HSPA12A: variants seen among roughly 807,000 people sequenced by gnomAD.
HSPA12A encodes the protein heat shock protein family A (Hsp70) member 12A.
In HSPA12A, 28 loss-of-function variants were observed where a neutral mutation model predicts 69.2. That is an observed-to-expected ratio of 0.40 (90% CI 0.30 to 0.55). The LOEUF (loss-of-function observed/expected upper bound fraction) is 0.55, where lower values mean the gene tolerates loss of function less well. Among genes scored for constraint, HSPA12A ranks in the 20% least tolerant of loss-of-function variants. The pLI is 0.38. For missense variants in HSPA12A, 686 were observed against 900.7 expected (o/e 0.76, Z 3.05); for synonymous variants, 345 against 370.5 (o/e 0.93, Z 0.79).
At chr10:116,843,171 T>C (rs1200349772) in intron 1 of HSPA12A, among the ~76,000 whole-genome samples, 2 of 152,222 alleles carry the variant, frequency 1.3e-5, no homozygotes, top group Non-Finnish European at 1.5e-5. Context: ...TCCAGCTTTC[T>C]ATTTATGTGG....
chr10:116,744,032 CCCTT>C (rs1851589957), upstream of HSPA12A, among the ~76,000 whole-genome samples: 2 of 152,186 alleles, frequency 1.3e-5, no homozygotes, highest in Admixed American at 6.5e-5. Flanking sequence ...CCCCCGAGGG[CCCTT>C]CCTGCCTACG....
chr10:116,777,492 A>G (rs1376674023), intron 2 of HSPA12A, among the ~76,000 whole-genome samples: 2 of 152,144 alleles, frequency 1.3e-5, no homozygotes, highest in Admixed American at 6.5e-5. Flanking sequence ...CCCAGTTCCC[A>G]AGAGCCTGCC....
At chr10:116,850,432 T>C (rs1182800097), upstream of HSPA12A, among the ~76,000 whole-genome samples, 2 of 152,094 alleles carry the variant, frequency 1.3e-5, no homozygotes, top group Non-Finnish European at 1.5e-5. Context: ...TGCCCAGCCC[T>C]GAGATCTGGC....
intron 1 of HSPA12A, among the ~76,000 whole-genome samples, chr10:116,838,827 G>A (rs1204594059): frequency 2.0e-5 from 3 of 152,232 alleles, no homozygotes; most frequent in African/African-American, 7.2e-5. Context: ...ACAGAGAGAT[G>A]AGAATTCTAA....
intron 8 of HSPA12A, 100 bp downstream of exon 8, chr10:116,681,691 T>C (rs1294098713): frequency 1.3e-5 from 13 of 1,028,434 alleles, no homozygotes; most frequent in African/African-American, 3.2e-5. Flanking sequence ...CCCACTGAGT[T>C]TGAACATTTT....
chr10:116,801,514 G>T (rs1844953752), intron 2 of HSPA12A, among the ~76,000 whole-genome samples: 1 of 152,108 alleles, frequency 6.6e-6, no homozygotes, highest in Non-Finnish European at 1.5e-5. Flanking sequence ...GGAGTTCCTA[G>T]CATCTGGTCA....
chr10:116,754,059 C>G (rs1843769095), intron 2 of HSPA12A, among the ~76,000 whole-genome samples: 1 of 152,212 alleles, frequency 6.6e-6, no homozygotes. Flanking sequence ...CCTTCCTCTC[C>G]CCACCCTGGC....
chr10:116,726,012 G>GACACACACACACAC (rs1277422010), intron 1 of HSPA12A, among the ~76,000 whole-genome samples: 3 of 70,512 alleles, frequency 4.3e-5, no homozygotes, highest in African/African-American at 1.5e-4. Flanking sequence ...ACAAGGTTTA[G>GACACACACACACAC]ACACACACAC....
intron 1 of HSPA12A, chr10:116,849,454 G>T: frequency 2.2e-6 from 3 of 1,391,606 alleles, no homozygotes; most frequent in Non-Finnish European, 1.9e-6. Flanking sequence ...AAGAACCTAG[G>T]CCTGGAAGCC....
intron 5 of HSPA12A, among the ~76,000 whole-genome samples, chr10:116,694,699 C>T (rs567795912): frequency 1.2e-4 from 18 of 152,320 alleles, no homozygotes; most frequent in Admixed American, 1.2e-3. Flanking sequence ...GCACTCTCTG[C>T]TCCTTCACCT....
chr10:116,703,220 G>A (rs186003150), intron 3 of HSPA12A, among the ~76,000 whole-genome samples: 1 of 152,294 alleles, frequency 6.6e-6, no homozygotes, highest in Non-Finnish European at 1.5e-5. Context: ...CTGATGACAT[G>A]ACACCCAGGA....
At chr10:116,706,851 C>T (rs782652821) in intron 2 of HSPA12A, among the ~76,000 whole-genome samples, 3 of 152,160 alleles carry the variant, frequency 2.0e-5, no homozygotes, top group Non-Finnish European at 2.9e-5. Flanking sequence ...CCAGAGTCAG[C>T]GGCTTCCTCT....
rs181327205 is a variant in HSPA12A at position 116,691,969 on chromosome 10, G to C, written c.663+382C>G. On this transcript the variant is annotated intron_variant, in intron 6 of 11. Transcript: ENST00000369209. Reference sequence around the variant, plus strand: ...ATGGCCTTGGCTTGCTTGCTTTCTTGTTCAAATATTCCTGTTTCCCAAGCC... The same window carrying C: ...ATGGCCTTGGCTTGCTTGCTTTCTTCTTCAAATATTCCTGTTTCCCAAGCC... Among the ~76,000 whole-genome samples the C allele has an allele frequency of 5.6e-4, 85 of 152,304 alleles. 1 individual carries two copies. Among genetic ancestry groups the C allele is most frequent in the African/African-American group, 2.0e-3 (84 of 41,562 alleles).
chr10:116,816,834 C>T (rs986701969), intron 2 of HSPA12A, among the ~76,000 whole-genome samples: 5 of 152,112 alleles, frequency 3.3e-5, no homozygotes, highest in African/African-American at 1.2e-4. Flanking sequence ...CTCTGGGTTA[C>T]AAAACGCTTC....
intron 2 of HSPA12A, among the ~76,000 whole-genome samples, chr10:116,816,365 C>A (rs1389755233): frequency 1.3e-5 from 2 of 152,244 alleles, no homozygotes; most frequent in East Asian, 3.8e-4. Flanking sequence ...TCTCTGGCAC[C>A]CCGCATACGG....
chr10:116,807,350 G>A (rs1845089308), intron 2 of HSPA12A, among the ~76,000 whole-genome samples: 1 of 152,012 alleles, frequency 6.6e-6, no homozygotes, highest in African/African-American at 2.4e-5. Context: ...CTCTGTTTCT[G>A]GGTCCCTGGA....
At chr10:116,762,280 G>A (rs1238924778) in intron 2 of HSPA12A, among the ~76,000 whole-genome samples, 1 of 152,244 alleles carries the variant, frequency 6.6e-6, no homozygotes, top group Non-Finnish European at 1.5e-5. Context: ...CTGGATGACT[G>A]TCAGTTCATC....
intron 6 of HSPA12A, among the ~76,000 whole-genome samples, chr10:116,689,077 T>A (rs1297633123): frequency 6.6e-6 from 1 of 152,122 alleles, no homozygotes; most frequent in African/African-American, 2.4e-5. Flanking sequence ...TGAAACTGCA[T>A]CTGTGCACCC....
rs117738746 is a variant in HSPA12A, at chr10:116,776,283, G to A, written c.91+58652C>T. ...ACGCCCCCCTCTGCCTCGGGATTTCGCTCAAAGCAGCCTCCAGCTCTTGGC... is the reference window on the plus strand; with the variant it reads ...ACGCCCCCCTCTGCCTCGGGATTTCACTCAAAGCAGCCTCCAGCTCTTGGC... On this transcript the variant is annotated intron_variant, in intron 2 of 12. Coordinates refer to the HSPA12A transcript ENST00000635765. Among the ~76,000 whole-genome samples the A allele has an allele frequency of 9.6e-3, 1,457 of 152,284 alleles. 10 individuals carry two copies. The highest frequency in any genetic ancestry group is 0.016 in the Non-Finnish European group (1,084 of 68,024).
Sources: allele counts gnomAD v4.1 joint callset (sites outside exome capture counted in the v4.1 genomes callset), GRCh38; gene constraint gnomAD v4.1.1; transcripts MANE v1.5; gene names NCBI Gene and HGNC (gene_info 2026-07-23, HGNC 2026-07-21).